RAP1A: variants seen among roughly 807,000 people sequenced by gnomAD.
RAP1A encodes the protein RAP1A, member of RAS oncogene family.
In RAP1A, 6 loss-of-function variants were observed where a neutral mutation model predicts 26.4. The observed-to-expected ratio is 0.23, with a 90% CI of 0.12 to 0.45. The LOEUF is 0.45. RAP1A is among the 20% of genes least tolerant of loss of function. RAP1A has a pLI of 0.99. For synonymous variants in RAP1A, 73 were observed against 79.4 expected (o/e 0.92, Z 0.43); for missense variants, 121 against 217.2 (o/e 0.56, Z 2.78).
intron 1 of RAP1A, among the ~76,000 whole-genome samples, chr1:111,647,979 TG>T (rs1660125186): frequency 1.3e-5 from 2 of 152,216 alleles, no homozygotes; most frequent in Non-Finnish European, 1.5e-5. Flanking sequence ...GTTTTTGGTT[TG>T]ACTGTAAATA....
Position 111,566,273 on chromosome 1 carries a change from C to T in RAP1A, c.-28+23764C>T, listed in dbSNP as rs573609537. 2.6e-5 allele frequency among the ~76,000 whole-genome samples: 4 copies of T among 152,168 alleles called. No individual in the cohort carries two copies. The East Asian group carries it at 7.7e-4, about 29-fold the overall frequency. ...GTTAGTGCTGGTTGCAAAAATGAGG[C>T]AAGAGTCGGGGGCAGTGACAGTGGA... On this transcript the variant is annotated intron_variant, in intron 1 of 7. Coordinates refer to the RAP1A transcript ENST00000356415.
upstream of RAP1A, among the ~76,000 whole-genome samples, chr1:111,619,372 T>C (rs1258288123): frequency 5.9e-5 from 9 of 152,212 alleles, no homozygotes. Flanking sequence ...GTTTGTTGTC[T>C]GTCTCCCCTC....
chr1:111,665,862 C>T (rs1660784771), intron 1 of RAP1A, among the ~76,000 whole-genome samples: 1 of 152,110 alleles, frequency 6.6e-6, no homozygotes, highest in South Asian at 2.1e-4. Flanking sequence ...CAAAGAAGAC[C>T]ATCTCTTTCT....
In RAP1A at chr1:111,710,103, A is replaced by G. The variant is rs976580545; in HGVS notation, c.*29+839A>G. 2.6e-5 allele frequency among the ~76,000 whole-genome samples: 4 copies of G among 152,160 alleles called. No homozygotes were observed. In the South Asian group the frequency reaches 8.3e-4, roughly 31 times the overall value. ...GCTGTACCAGTTTACACACCCTGCA[A>G]CGGTTTTTGAGTTCTACATTCTCCC... On this transcript the variant is annotated intron_variant, in intron 7 of 7. Coordinates refer to ENST00000369709, the MANE Select transcript of RAP1A (RefSeq NM_002884.4).
chr1:111,612,017 T>G (rs1011964205), intron 1 of RAP1A, among the ~76,000 whole-genome samples: 119 of 152,084 alleles, frequency 7.8e-4, no homozygotes, highest in African/African-American at 2.6e-3. Context: ...GCTTGAGTTT[T>G]TTTTTTTTTT....
At chr1:111,661,524 G>A (rs1182894112) in intron 1 of RAP1A, among the ~76,000 whole-genome samples, 1 of 152,174 alleles carries the variant, frequency 6.6e-6, no homozygotes, top group East Asian at 1.9e-4. Context: ...TTAGGGGCCG[G>A]GCACAGTGGC....
chr1:111,571,038 G>A (rs1658038313), intron 1 of RAP1A, among the ~76,000 whole-genome samples: 1 of 152,196 alleles, frequency 6.6e-6, no homozygotes, highest in African/African-American at 2.4e-5. Flanking sequence ...TCACAAGACT[G>A]CCCCCACTTC....
chr1:111,574,115 T>A (rs934165141), intron 1 of RAP1A, among the ~76,000 whole-genome samples: 1 of 152,238 alleles, frequency 6.6e-6, no homozygotes, highest in Non-Finnish European at 1.5e-5. Flanking sequence ...CTTTAATCTA[T>A]CTTCAGTTGA....
chr1:111,551,781 A>C (rs1350886734), intron 1 of RAP1A, among the ~76,000 whole-genome samples: 7 of 147,838 alleles, frequency 4.7e-5, no homozygotes, highest in Admixed American at 2.7e-4. Context: ...TTTGAGATGG[A>C]GTCTTTACAG....
intron 1 of RAP1A, among the ~76,000 whole-genome samples, chr1:111,653,511 C>T (rs1212909319): frequency 3.3e-5 from 5 of 151,364 alleles, no homozygotes; most frequent in East Asian, 1.9e-4. Flanking sequence ...GAGAAACCCC[C>T]GTCTCTACTA....
chr1:111,583,949 C>T (rs1658314571), intron 1 of RAP1A, among the ~76,000 whole-genome samples: 3 of 142,986 alleles, frequency 2.1e-5, no homozygotes, highest in Admixed American at 7.3e-5. Context: ...GGCGCGATCT[C>T]GGCTCACTGC....
intron 1 of RAP1A, among the ~76,000 whole-genome samples, chr1:111,650,733 C>T (rs1571528680): frequency 6.6e-6 from 1 of 152,044 alleles, no homozygotes; most frequent in African/African-American, 2.4e-5. Context: ...TTAGAGTTCA[C>T]TTTTGGTTTT....
At chr1:111,582,473 G>A (rs964361169) in intron 1 of RAP1A, among the ~76,000 whole-genome samples, 2 of 152,122 alleles carry the variant, frequency 1.3e-5, no homozygotes, top group African/African-American at 4.8e-5. Flanking sequence ...CTAAATATTG[G>A]TTTGGGGTTT....
At chr1:111,542,121 T>C (rs1656854310), upstream of RAP1A, 1 of 230,202 alleles carries the variant, frequency 4.3e-6, no homozygotes, top group Non-Finnish European at 9.3e-6. Flanking sequence ...TTCAAATGTT[T>C]ATTTTATGTA....
chr1:111,606,865 C>T (rs1333742234), intron 1 of RAP1A, among the ~76,000 whole-genome samples: 4 of 152,122 alleles, frequency 2.6e-5, no homozygotes, highest in African/African-American at 4.8e-5. Context: ...AAAGCATACT[C>T]GAATGTAGTT....
At position 111,682,107 on chromosome 1, in the gene RAP1A, G is replaced by A. The variant is rs1430902242; in HGVS notation, c.-27-9227G>A. On this transcript the variant is annotated intron_variant, in intron 1 of 7. Coordinates refer to ENST00000369709, the MANE Select transcript of RAP1A (RefSeq NM_002884.4). ...TCCAGCCAAACTAAGCTTCATAAGC[G>A]AGGGAGAAATAAAATCCTTTACAGA... Among the ~76,000 whole-genome samples the A allele has an allele frequency of 5.3e-5, 8 of 152,100 alleles. No individual in the cohort carries two copies. The East Asian group carries it at 1.3e-3, about 26-fold the overall frequency.
At chr1:111,706,458 A>T (rs1662195148) in intron 6 of RAP1A, among the ~76,000 whole-genome samples, 1 of 150,144 alleles carries the variant, frequency 6.7e-6, no homozygotes, top group Admixed American at 6.6e-5. Flanking sequence ...ATTCATTCAT[A>T]TATATATATA....
intron 1 of RAP1A, among the ~76,000 whole-genome samples, chr1:111,571,892 G>C (rs907283762): frequency 6.6e-6 from 1 of 152,132 alleles, no homozygotes; most frequent in Non-Finnish European, 1.5e-5. Context: ...TTTCTGATTC[G>C]GGAGTTTTCC....
At chr1:111,637,947 A>G (rs1386874797) in intron 1 of RAP1A, among the ~76,000 whole-genome samples, 3 of 152,068 alleles carry the variant, frequency 2.0e-5, no homozygotes, top group Non-Finnish European at 2.9e-5. Flanking sequence ...GTACATTTTA[A>G]TATTTTTTGG....
Sources: allele counts gnomAD v4.1 joint callset (sites outside exome capture counted in the v4.1 genomes callset), GRCh38; gene constraint gnomAD v4.1.1; transcripts MANE v1.5; gene names NCBI Gene and HGNC (gene_info 2026-07-23, HGNC 2026-07-21).